The following DCLRE1C variants were observed in gnomAD, a reference collection of about 807,000 sequenced individuals.
DCLRE1C encodes the protein DNA cross-link repair 1C, also known as protein artemis.
DCLRE1C carries 47 observed loss-of-function variants against 61.4 expected under a neutral mutation model. The observed-to-expected ratio is 0.77, with a 90% confidence interval of 0.61 to 0.98. The LOEUF (loss-of-function observed/expected upper bound fraction) is 0.98, where lower values mean the gene tolerates loss of function less well. Ranked by LOEUF, DCLRE1C falls within the 50% of genes least tolerant of loss-of-function variation. The pLI, the probability that DCLRE1C is intolerant of heterozygous loss-of-function variation, is 0.00. For missense variants in DCLRE1C, 858 were observed against 816.0 expected (o/e 1.05, Z -0.63); for synonymous variants, 337 against 287.6 (o/e 1.17, Z -1.74).
In DCLRE1C at chr10:14,907,418, T is replaced by C. The variant is rs1026239639; in HGVS notation, c.*990A>G. Among the ~76,000 whole-genome samples, 1 of 151,886 alleles carries C rather than the reference T, an allele frequency of 6.6e-6. No homozygotes were observed. Among genetic ancestry groups the C allele is most frequent in the African/African-American group, 2.4e-5 (1 of 41,332 alleles). On this transcript the variant is annotated 3_prime_UTR_variant, in exon 14 of 14. Transcript: ENST00000378278. The stretch of plus-strand genomic sequence containing the variant: ...TTTGGGGTGGTGTGTTCTATAAATG[T>C]CAATTTAATCCAGTCGGCTTATGAT...
rs1473339118 is a variant in DCLRE1C, at chr10:14,953,841, C to T, written c.109+61G>A. 5 of 1,605,964 alleles carry T rather than the reference C, an allele frequency of 3.1e-6. No individual in the cohort carries two copies. The African/African-American group carries it at 6.7e-5, about 21-fold the overall frequency. On this transcript the variant is annotated intron_variant, in intron 1 of 13. Coordinates refer to ENST00000378278, the MANE Select transcript of DCLRE1C (RefSeq NM_001033855.3). ...AGCTCCTTGCTCCAGGGCCGGCCCC[C>T]TCCTGTCCTCTCTCCAGCCCCCAGC...
chr10:14,935,895 C>T (rs2130961574), intron 5 of DCLRE1C, among the ~76,000 whole-genome samples: 1 of 152,290 alleles, frequency 6.6e-6, no homozygotes, highest in Non-Finnish European at 1.5e-5. Context: ...GAAACAGCTG[C>T]TGAAGACTTC....
At chr10:14,898,198 G>GTTTTTTTTTTTTT (rs1833728015) in exon 14 of DCLRE1C, 1 of 64,396 alleles carries the variant, frequency 1.6e-5, no homozygotes, top group African/African-American at 6.9e-5. Flanking sequence ...AGGTAGTACT[G>GTTTTTTTTTTTTT]TTTCTTTTTT....
intron 13 of DCLRE1C, among the ~76,000 whole-genome samples, chr10:14,915,114 CAATG>C (rs1036852937): frequency 1.5e-4 from 22 of 149,724 alleles, no homozygotes; most frequent in Non-Finnish European, 2.7e-4. Flanking sequence ...TTTTGAATGA[CAATG>C]AAAACAAGAC....
chr10:14,948,674 G>A (rs566922463), intron 2 of DCLRE1C, among the ~76,000 whole-genome samples: 2 of 151,846 alleles, frequency 1.3e-5, no homozygotes, highest in African/African-American at 2.4e-5. Context: ...CCAGGAGTTC[G>A]AGATCAGCCT....
chr10:14,919,840 G>GA lies in DCLRE1C; in HGVS notation c.1062-9dup. 6.2e-7 allele frequency: 1 copy of GA among 1,600,960 alleles called. No homozygotes were observed. The highest frequency in any genetic ancestry group is 1.7e-4 in the Middle Eastern group (1 of 6,048). Reference sequence around the variant, plus strand: ...CGGCATAAAGGCTTTAAGCTGAAATGAATCAGAATATTTGATTTTTCCTTT... The same window carrying GA: ...CGGCATAAAGGCTTTAAGCTGAAATGAAATCAGAATATTTGATTTTTCCTTT... On this transcript the variant is annotated splice_polypyrimidine_tract_variant and intron_variant, in intron 12 of 13. Transcript: ENST00000378278.
At chr10:14,897,564 T>C in exon 14 of DCLRE1C, 1 of 1,428,512 alleles carries the variant, frequency 7.0e-7, no homozygotes, top group Non-Finnish European at 9.2e-7. Context: ...GCAAGGTTTA[T>C]ACTTTTGGAA....
intron 2 of DCLRE1C, among the ~76,000 whole-genome samples, chr10:14,948,331 G>C (rs1034209688): frequency 5.3e-5 from 8 of 152,154 alleles, no homozygotes; most frequent in Non-Finnish European, 1.2e-4. Context: ...AGAGAAGCCT[G>C]ACATCCACTG....
chr10:14,923,003 T>C lies in DCLRE1C; in HGVS notation c.1039A>G (p.Thr347Ala), dbSNP rs1383857269. ...CACATTTCGACAACTTTATCCATAG[T>C]TGTGCCAACTGGAATGACATTTGGA... ...AYPNVIPVGTTMDKVVEILKP... is the reference protein window; with the variant it reads ...AYPNVIPVGTAMDKVVEILKP... The change falls in exon 12 of 14, where the codon ACT becomes GCT. Residue 347 changes from threonine (T) to alanine (A), a missense_variant. Coordinates refer to ENST00000378278, the MANE Select transcript of DCLRE1C (RefSeq NM_001033855.3). 1.2e-6 allele frequency: 2 copies of C among 1,613,996 alleles called. No homozygotes were observed. Among genetic ancestry groups the C allele is most frequent in the East Asian group, 2.2e-5 (1 of 44,900 alleles).
chr10:14,902,639 G>T (rs11547181), downstream of DCLRE1C: 3 of 641,434 alleles, frequency 4.7e-6, no homozygotes, highest in Non-Finnish European at 7.7e-6. Context: ...CATGTTTCAA[G>T]ACATTTGCCA....
chr10:14,928,776 G>A lies in DCLRE1C; in HGVS notation c.781-624C>T, dbSNP rs41297988. On this transcript the variant is annotated intron_variant, in intron 9 of 13. Transcript: ENST00000378278. ...GGCAACGCAGCAAATCCAAACGAAG[G>A]GTGTATGGTGTTTTTTTTTTTTTTT... Among the ~76,000 whole-genome samples the A allele has an allele frequency of 7.1e-3, 1,065 of 149,690 alleles. 16 individuals are homozygous for A. The highest frequency in any genetic ancestry group is 0.025 in the African/African-American group (996 of 40,490).
intron 11 of DCLRE1C, 110 bp from the exon 12 acceptor site, chr10:14,923,179 TTCTCAATGC>T: frequency 1.2e-6 from 1 of 834,944 alleles, no homozygotes; most frequent in Non-Finnish European, 2.0e-6. Context: ...ATGGCTGTGG[TTCTCAATGC>T]TGGCTGCACG....
At chr10:14,899,656 G>A, downstream of DCLRE1C, 1 of 1,613,852 alleles carries the variant, frequency 6.2e-7, no homozygotes, top group Non-Finnish European at 8.5e-7. Context: ...GGCTCGATAC[G>A]GCAATGTGTC....
rs41300676 is a variant in DCLRE1C, at chr10:14,908,594, G to T, written c.1893C>A (p.Pro631=). 7 of 1,614,068 alleles carry T rather than the reference G, an allele frequency of 4.3e-6. No homozygotes were observed. The highest frequency in any genetic ancestry group is 5.9e-6 in the Non-Finnish European group (7 of 1,180,020). Residue 631 remains proline (P), a synonymous_variant, in exon 14 of 14, where the codon CCC becomes CCA. Coordinates refer to ENST00000378278, the MANE Select transcript of DCLRE1C (RefSeq NM_001033855.3). ...TAAGATTTAGCAAACTTTTTTCCTC[G>T]GGTATATGTGTCTCACTGCTTAGAG... The part of the protein sequence containing the change: ...PTTLSSETHI[P]EEKSLLNLST...
At chr10:14,952,631 C>T (rs1160031034) in intron 1 of DCLRE1C, among the ~76,000 whole-genome samples, 2 of 152,010 alleles carry the variant, frequency 1.3e-5, no homozygotes. Flanking sequence ...TGGCTGACTC[C>T]TGTAGTCCCA....
In DCLRE1C at chr10:14,932,859, G is replaced by A. The variant is rs536452744; in HGVS notation, c.775C>T (p.Pro259Ser). Residue 259 changes from proline to serine, a missense_variant, in exon 9 of 14, where the codon CCC becomes TCC. Coordinates refer to ENST00000378278, the MANE Select transcript of DCLRE1C (RefSeq NM_001033855.3). ...GGAATCACTTGCACACGTACCTTGGGATGCCGGCATGCATGGATCTGAGTG... is the reference window on the plus strand; with the variant it reads ...GGAATCACTTGCACACGTACCTTGGAATGCCGGCATGCATGGATCTGAGTG... Reference protein sequence around the residue: ...RNTQIHACRHPKAEEYFQWSK... With the variant: ...RNTQIHACRHSKAEEYFQWSK... 2 of 1,614,156 alleles carry A rather than the reference G, an allele frequency of 1.2e-6. No homozygotes were observed. Among genetic ancestry groups the A allele is most frequent in the South Asian group, 2.2e-5 (2 of 91,084 alleles).
downstream of DCLRE1C, among the ~76,000 whole-genome samples, chr10:14,901,454 G>T (rs1192502381): frequency 1.3e-5 from 2 of 152,144 alleles, no homozygotes; most frequent in African/African-American, 2.4e-5. Flanking sequence ...CTGAGCTTCA[G>T]CTGAGGAATG....
At chr10:14,939,944 A>C in intron 3 of DCLRE1C, 75 bp from the exon 4 acceptor site, 1 of 1,137,940 alleles carries the variant, frequency 8.8e-7, no homozygotes, top group Non-Finnish European at 1.3e-6. Flanking sequence ...TCTGAAACAC[A>C]GAAATGGGGC....
At chr10:14,926,710 G>GA (rs903449653) in intron 11 of DCLRE1C, 133 bp downstream of exon 11, 1,604 of 687,674 alleles carry the variant, frequency 2.3e-3, no homozygotes, top group Non-Finnish European at 2.6e-3. Flanking sequence ...CTGCATTTAG[G>GA]AAAAAAAAAC....
Sources: gnomAD v4.1 joint callset for allele counts (sites outside exome capture counted in the v4.1 genomes callset) on GRCh38, gnomAD v4.1.1 for gene constraint, MANE v1.5 for transcripts, NCBI Gene and HGNC (gene_info 2026-07-23, HGNC 2026-07-21) for gene names.